Variants in ZFAND6 observed in about 807,000 individuals in gnomAD.
ZFAND6 encodes the protein zinc finger AN1-type containing 6.
A neutral mutation model predicts 24.5 loss-of-function variants in ZFAND6; 12 were observed. That is an observed-to-expected ratio of 0.49 (90% CI 0.31 to 0.79). The LOEUF is 0.79. Among genes scored for constraint, ZFAND6 ranks in the 30% least tolerant of loss-of-function variants. ZFAND6 has a pLI of 0.04. For missense variants in ZFAND6, 207 were observed against 245.9 expected (o/e 0.84, Z 1.06); for synonymous variants, 92 against 81.5 (o/e 1.13, Z -0.69).
intron 2 of ZFAND6, among the ~76,000 whole-genome samples, chr15:80,105,814 A>C (rs1004923583): frequency 6.6e-6 from 1 of 152,176 alleles, no homozygotes; most frequent in Admixed American, 6.5e-5. Context: ...TCATCCCTAC[A>C]AGGTGTGTTA....
At chr15:80,105,470 C>A (rs2039272447) in intron 2 of ZFAND6, among the ~76,000 whole-genome samples, 1 of 152,158 alleles carries the variant, frequency 6.6e-6, no homozygotes, top group South Asian at 2.1e-4. Context: ...GAACCTCTCT[C>A]TCTCATGATG....
intron 1 of ZFAND6, among the ~76,000 whole-genome samples, chr15:80,085,254 T>C (rs528347578): frequency 9.5e-4 from 145 of 152,350 alleles, no homozygotes; most frequent in African/African-American, 3.3e-3. Flanking sequence ...TTGTACGTGG[T>C]TTAAGTTCTT....
chr15:80,122,665 A>C (rs772448424), intron 4 of ZFAND6, 35 bp from the exon 5 acceptor site: 2 of 1,376,370 alleles, frequency 1.5e-6, no homozygotes, highest in East Asian at 4.6e-5. Context: ...ATGTGTAGAG[A>C]TCACCTTTTA....
At chr15:80,122,572 TAAAA>T (rs1434024353) in intron 4 of ZFAND6, 124 bp from the exon 5 acceptor site, 3 of 604,198 alleles carry the variant, frequency 5.0e-6, no homozygotes, top group African/African-American at 1.9e-5. Context: ...TTTAAGTTAT[TAAAA>T]AAAAGTATGT....
At chr15:80,108,329 G>A (rs1429990149) in intron 2 of ZFAND6, among the ~76,000 whole-genome samples, 2 of 152,116 alleles carry the variant, frequency 1.3e-5, no homozygotes, top group South Asian at 4.1e-4. Flanking sequence ...GGAGGGGTTG[G>A]GGGGAAGTAC....
chr15:80,074,530 T>A (rs143190358), intron 1 of ZFAND6, among the ~76,000 whole-genome samples: 37 of 152,036 alleles, frequency 2.4e-4, no homozygotes, highest in Admixed American at 5.2e-4. Flanking sequence ...CATGTATGAA[T>A]AACCTTTGTC....
At chr15:80,097,933 T>C (rs983293323) in intron 1 of ZFAND6, among the ~76,000 whole-genome samples, 1 of 152,174 alleles carries the variant, frequency 6.6e-6, no homozygotes, top group African/African-American at 2.4e-5. Context: ...GAAATTTTAA[T>C]CTGTCAAGAA....
chr15:80,091,809 T>C (rs2038394753), intron 1 of ZFAND6, among the ~76,000 whole-genome samples: 1 of 152,092 alleles, frequency 6.6e-6, no homozygotes, highest in African/African-American at 2.4e-5. Flanking sequence ...CTGGCTAATT[T>C]TAAAATTTTT....
intron 2 of ZFAND6, among the ~76,000 whole-genome samples, chr15:80,100,635 C>T (rs1012435306): frequency 6.6e-6 from 1 of 152,224 alleles, no homozygotes; most frequent in Non-Finnish European, 1.5e-5. Flanking sequence ...CTCTTCCTTG[C>T]TCTACCCTTT....
chr15:80,104,468 G>A (rs571848815), intron 2 of ZFAND6, among the ~76,000 whole-genome samples: 17 of 152,258 alleles, frequency 1.1e-4, no homozygotes, highest in African/African-American at 3.6e-4. Flanking sequence ...GCAGTGAGCC[G>A]AGATCGCACC....
At chr15:80,101,343 A>G (rs183476859) in intron 2 of ZFAND6, among the ~76,000 whole-genome samples, 1 of 152,256 alleles carries the variant, frequency 6.6e-6, no homozygotes, top group Non-Finnish European at 1.5e-5. Flanking sequence ...GGCACTTGTC[A>G]TCAAAGCTAC....
chr15:80,101,582 A>G (rs993504573), intron 2 of ZFAND6, among the ~76,000 whole-genome samples: 3 of 152,194 alleles, frequency 2.0e-5, no homozygotes, highest in African/African-American at 7.2e-5. Flanking sequence ...GTGTTGGACA[A>G]CACTGTTCTA....
intron 1 of ZFAND6, among the ~76,000 whole-genome samples, chr15:80,096,597 TAATA>T (rs1486487382): frequency 3.3e-5 from 5 of 152,238 alleles, no homozygotes; most frequent in Non-Finnish European, 5.9e-5. Context: ...CAGCATTAAT[TAATA>T]GTTTTAAAAT....
At chr15:80,065,118 C>T (rs1465843080) in intron 1 of ZFAND6, among the ~76,000 whole-genome samples, 1 of 148,558 alleles carries the variant, frequency 6.7e-6, no homozygotes, top group South Asian at 2.1e-4. Context: ...TATTTAAAGG[C>T]TTCTCCTACC....
chr15:80,113,415 T>C (rs187055753), intron 2 of ZFAND6, among the ~76,000 whole-genome samples: 83 of 152,376 alleles, frequency 5.4e-4, no homozygotes, highest in African/African-American at 1.9e-3. Context: ...GGGTCAGATT[T>C]AACTGAGGTT....
chr15:80,086,212 A>AT (rs1229053761), intron 1 of ZFAND6, among the ~76,000 whole-genome samples: 2 of 151,822 alleles, frequency 1.3e-5, no homozygotes, highest in Non-Finnish European at 2.9e-5. Flanking sequence ...CTAATTTTGT[A>AT]TTTTTAGTAG....
In ZFAND6 at chr15:80,122,744, C is replaced by G; in HGVS notation, c.308C>G (p.Ser103Cys). Residue 103 changes from serine (S) to cysteine (C), a missense_variant, in exon 5 of 7, where the codon TCT (serine) becomes TGT (cysteine). Coordinates refer to ENST00000261749, the MANE Select transcript of ZFAND6 (RefSeq NM_019006.4). ...QSLLSESVAS[S>C]QLDSTSVDKA... ...CTTTTATCAGAATCTGTAGCATCTT[C>G]TCAATTGGACAGTACATCTGTGGAC... 1 of 1,613,718 alleles carries G rather than the reference C, an allele frequency of 6.2e-7. No homozygotes were observed. The highest frequency in any genetic ancestry group is 8.5e-7 in the Non-Finnish European group (1 of 1,179,836).
intron 5 of ZFAND6, among the ~76,000 whole-genome samples, chr15:80,127,956 T>C (rs952546194): frequency 6.6e-6 from 1 of 152,096 alleles, no homozygotes; most frequent in Non-Finnish European, 1.5e-5. Context: ...AAATAGATCA[T>C]TGGATAAAAA....
At chr15:80,073,858 G>C (rs1459510080) in intron 1 of ZFAND6, among the ~76,000 whole-genome samples, 1 of 151,684 alleles carries the variant, frequency 6.6e-6, no homozygotes, top group African/African-American at 2.4e-5. Flanking sequence ...TTTTTGAATT[G>C]TCTACTTTTA....
Sources: allele counts gnomAD v4.1 joint callset (sites outside exome capture counted in the v4.1 genomes callset), GRCh38; gene constraint gnomAD v4.1.1; transcripts MANE v1.5; gene names NCBI Gene and HGNC (gene_info 2026-07-23, HGNC 2026-07-21).